The following RBMS3 variants were observed in gnomAD, a reference collection of about 807,000 sequenced individuals.
The protein encoded by RBMS3 is RNA-binding motif, single-stranded-interacting protein 3.
RBMS3 carries 27 observed loss-of-function variants against 66.8 expected under a neutral mutation model. The ratio of observed to expected loss-of-function variants is 0.40; its 90% CI spans 0.30 to 0.56. The LOEUF is 0.56. Among genes scored for constraint, RBMS3 ranks in the 20% least tolerant of loss-of-function variants. The probability of loss-of-function intolerance (pLI) is 0.40; values close to 1 mark genes in which losing one functional copy is unlikely to be tolerated. For missense variants in RBMS3, 513 were observed against 549.5 expected (o/e 0.93, Z 0.66); for synonymous variants, 188 against 183.0 (o/e 1.03, Z -0.22).
At chr3:29,369,803 T>C (rs2038101676) in intron 1 of RBMS3, among the ~76,000 whole-genome samples, 1 of 152,072 alleles carries the variant, frequency 6.6e-6, no homozygotes, top group East Asian at 1.9e-4. Flanking sequence ...CCCAAATTGG[T>C]GATAGGTGGG....
At chr3:29,633,169 G>A (rs1425589151) in intron 4 of RBMS3, among the ~76,000 whole-genome samples, 3 of 151,706 alleles carry the variant, frequency 2.0e-5, no homozygotes, top group East Asian at 1.9e-4. Flanking sequence ...TAGAATGCTT[G>A]TATGGCTATC....
chr3:29,830,065 A>T (rs531152266), intron 6 of RBMS3, among the ~76,000 whole-genome samples: 4 of 152,022 alleles, frequency 2.6e-5, no homozygotes, highest in Non-Finnish European at 5.9e-5. Context: ...TTAGCAAGCC[A>T]TTCTGTTTCT....
intron 3 of RBMS3, among the ~76,000 whole-genome samples, chr3:29,551,318 G>C (rs944119818): frequency 6.6e-6 from 1 of 152,172 alleles, no homozygotes; most frequent in African/African-American, 2.4e-5. Context: ...CCTTGAAGAT[G>C]ATCAGGAAAC....
chr3:29,854,655 G>T (rs1577001453), intron 6 of RBMS3, among the ~76,000 whole-genome samples: 1 of 81,892 alleles, frequency 1.2e-5, no homozygotes. Flanking sequence ...AAAAAGTAAA[G>T]AATGGTTTTA....
chr3:29,412,154 A>C lies in RBMS3; in HGVS notation c.76-22589A>C, dbSNP rs769974116. Among the ~76,000 whole-genome samples, 4 of 152,232 alleles carry C rather than the reference A, an allele frequency of 2.6e-5. No homozygotes were observed. The South Asian group carries it at 6.2e-4, about 24-fold the overall frequency. ...AACAGGCAAAATTCACTTTGTACAT[A>C]TATAGTGAGACCAAAAATAAGGAGC... On this transcript the variant is annotated intron_variant, in intron 1 of 14. Coordinates refer to ENST00000383767, the MANE Select transcript of RBMS3 (RefSeq NM_001003793.3).
At chr3:29,498,810 T>C (rs1261908224) in intron 3 of RBMS3, among the ~76,000 whole-genome samples, 4 of 152,224 alleles carry the variant, frequency 2.6e-5, no homozygotes, top group Non-Finnish European at 5.9e-5. Flanking sequence ...GTTTAGAGCT[T>C]GTATGTAACT....
intron 4 of RBMS3, among the ~76,000 whole-genome samples, chr3:29,595,903 A>T (rs1285573355): frequency 6.6e-6 from 1 of 152,194 alleles, no homozygotes; most frequent in Non-Finnish European, 1.5e-5. Context: ...AGGAGGAAAT[A>T]GTGAATGTGC....
At chr3:29,452,692 T>C (rs1343385605) in intron 2 of RBMS3, among the ~76,000 whole-genome samples, 1 of 152,154 alleles carries the variant, frequency 6.6e-6, no homozygotes, top group Non-Finnish European at 1.5e-5. Context: ...TATTTGACAT[T>C]TATTTGCTTG....
intron 1 of RBMS3, among the ~76,000 whole-genome samples, chr3:29,311,762 A>G (rs888681525): frequency 2.6e-5 from 4 of 151,934 alleles, no homozygotes; most frequent in Non-Finnish European, 4.4e-5. Context: ...AGAGAAGATT[A>G]GGGGGATTGG....
chr3:29,336,406 A>G (rs906299765), intron 1 of RBMS3, among the ~76,000 whole-genome samples: 2 of 152,142 alleles, frequency 1.3e-5, no homozygotes, highest in African/African-American at 2.4e-5. Flanking sequence ...AAAATGCTCA[A>G]TCAAGATCTA....
intron 3 of RBMS3, among the ~76,000 whole-genome samples, chr3:29,498,870 G>A (rs967528438): frequency 2.6e-5 from 4 of 152,112 alleles, no homozygotes; most frequent in African/African-American, 9.7e-5. Context: ...AGAAATGTGT[G>A]TTTTATGAAT....
At chr3:29,410,675 T>C (rs191606570) in intron 1 of RBMS3, among the ~76,000 whole-genome samples, 9 of 152,212 alleles carry the variant, frequency 5.9e-5, no homozygotes, top group African/African-American at 2.2e-4. Flanking sequence ...GTGGTGAAGG[T>C]TTTTAAATTC....
At chr3:29,746,600 T>A (rs1202586218) in intron 5 of RBMS3, among the ~76,000 whole-genome samples, 1 of 152,210 alleles carries the variant, frequency 6.6e-6, no homozygotes, top group African/African-American at 2.4e-5. Context: ...ATCTTGTTTC[T>A]TCTCCTTGCC....
intron 10 of RBMS3, among the ~76,000 whole-genome samples, chr3:29,921,840 GTA>G (rs1406654913): frequency 1.3e-5 from 2 of 152,114 alleles, no homozygotes; most frequent in Non-Finnish European, 2.9e-5. Context: ...CCTTCCTACA[GTA>G]TGTTTTTCAG....
intron 2 of RBMS3, among the ~76,000 whole-genome samples, chr3:29,481,505 A>T (rs1405017202): frequency 6.6e-6 from 1 of 152,170 alleles, no homozygotes; most frequent in East Asian, 1.9e-4. Context: ...ATGGCCAGGA[A>T]AGGAGACAAT....
chr3:29,281,569 A>G lies in RBMS3; in HGVS notation c.-113A>G, dbSNP rs546255544. 1.6e-5 allele frequency: 13 copies of G among 791,512 alleles called. No homozygotes were observed. Among genetic ancestry groups the G allele is most frequent in the Non-Finnish European group, 2.6e-5 (12 of 464,880 alleles). 49.0% of individuals were successfully genotyped at this position (791,512 alleles called of 1,614,324 possible). ...GAACTAGCGAGTGGTGGAGTCTCTGAAGCCTCATCAGTCACCGGGACTGTC... is the reference window on the plus strand; with the variant it reads ...GAACTAGCGAGTGGTGGAGTCTCTGGAGCCTCATCAGTCACCGGGACTGTC... On this transcript the variant is annotated 5_prime_UTR_variant, in exon 1 of 15. Coordinates refer to ENST00000383767, the MANE Select transcript of RBMS3 (RefSeq NM_001003793.3).
intron 14 of RBMS3, among the ~76,000 whole-genome samples, chr3:29,993,254 A>C (rs1244931273): frequency 1.3e-5 from 2 of 149,130 alleles, no homozygotes; most frequent in Non-Finnish European, 2.9e-5. Flanking sequence ...TTTTATGTGC[A>C]AAACTAATAC....
At chr3:29,487,019 T>C (rs1040498702) in intron 2 of RBMS3, among the ~76,000 whole-genome samples, 1 of 152,194 alleles carries the variant, frequency 6.6e-6, no homozygotes. Context: ...TTATCCCTTA[T>C]TTTCTACTCT....
chr3:29,575,057 G>A (rs1222069452), intron 3 of RBMS3, among the ~76,000 whole-genome samples: 1 of 152,032 alleles, frequency 6.6e-6, no homozygotes, highest in Non-Finnish European at 1.5e-5. Context: ...ACAATTCTGT[G>A]TTTTTCTGCA....
Sources: gnomAD v4.1 joint callset for allele counts (sites outside exome capture counted in the v4.1 genomes callset) on GRCh38, gnomAD v4.1.1 for gene constraint, MANE v1.5 for transcripts, NCBI Gene and HGNC (gene_info 2026-07-23, HGNC 2026-07-21) for gene names.